Variants in KPNA1 observed in about 807,000 individuals in gnomAD.
KPNA1 encodes importin subunit alpha-5.
In KPNA1, 10 loss-of-function variants were observed where a neutral mutation model predicts 70.5. That is an observed-to-expected ratio of 0.14 (90% CI 0.09 to 0.24). The LOEUF (loss-of-function observed/expected upper bound fraction) is 0.24. Among genes scored for constraint, KPNA1 ranks in the 10% least tolerant of loss-of-function variants. The pLI, the probability that KPNA1 is intolerant of heterozygous loss-of-function variation, is 1.00. For synonymous variants in KPNA1, 192 were observed against 221.9 expected (o/e 0.87, Z 1.20); for missense variants, 397 against 637.9 (o/e 0.62, Z 4.07).
chr3:122,495,880 C>G (rs1278355447), intron 2 of KPNA1, among the ~76,000 whole-genome samples: 5 of 150,344 alleles, frequency 3.3e-5, no homozygotes, highest in Non-Finnish European at 7.4e-5. Flanking sequence ...CAGAATTAAT[C>G]TGGAATAAAA....
At chr3:122,458,061 A>C (rs1253851531) in intron 5 of KPNA1, among the ~76,000 whole-genome samples, 1 of 152,224 alleles carries the variant, frequency 6.6e-6, no homozygotes, top group African/African-American at 2.4e-5. Flanking sequence ...GGGGAAACTA[A>C]GCCAATGTAA....
At chr3:122,454,980 C>T (rs1398784001) in intron 5 of KPNA1, among the ~76,000 whole-genome samples, 1 of 152,136 alleles carries the variant, frequency 6.6e-6, no homozygotes, top group Non-Finnish European at 1.5e-5. Context: ...TTCTTAATTA[C>T]ATTTCAGGTT....
chr3:122,470,406 G>C (rs926392194), intron 2 of KPNA1, among the ~76,000 whole-genome samples: 1 of 152,028 alleles, frequency 6.6e-6, no homozygotes, highest in South Asian at 2.1e-4. Context: ...CAGCTACCCA[G>C]GAAGCTGAGG....
At chr3:122,479,937 G>A (rs2076551688) in intron 2 of KPNA1, among the ~76,000 whole-genome samples, 1 of 152,080 alleles carries the variant, frequency 6.6e-6, no homozygotes, top group Non-Finnish European at 1.5e-5. Flanking sequence ...CAGGTAAATG[G>A]ATAAACTATG....
chr3:122,504,948 A>G lies in KPNA1; in HGVS notation c.-5-8378T>C, dbSNP rs373777470. Among the ~76,000 whole-genome samples, 210 of 152,104 alleles carry G rather than the reference A, an allele frequency of 1.4e-3. 2 individuals are homozygous for G. The highest frequency in any genetic ancestry group is 4.9e-3 in the African/African-American group (204 of 41,492). ...AAACACAAGCCTCAAATGTCCCTCTAAAGAGTCTAATTAATGTGTCTGAAG... is the reference window on the plus strand; with the variant it reads ...AAACACAAGCCTCAAATGTCCCTCTGAAGAGTCTAATTAATGTGTCTGAAG... On this transcript the variant is annotated intron_variant, in intron 1 of 13. Transcript: ENST00000344337.
At chr3:122,489,192 A>T (rs1576335964) in intron 2 of KPNA1, among the ~76,000 whole-genome samples, 1 of 151,886 alleles carries the variant, frequency 6.6e-6, no homozygotes, top group Non-Finnish European at 1.5e-5. Flanking sequence ...TTAATTTGCA[A>T]TCAATCCCAT....
At chr3:122,512,799 T>C (rs1302429409) in intron 1 of KPNA1, among the ~76,000 whole-genome samples, 2 of 152,260 alleles carry the variant, frequency 1.3e-5, no homozygotes, top group East Asian at 1.9e-4. Flanking sequence ...TAGTTTATTC[T>C]AGGTTTTCAT....
chr3:122,500,035 C>T (rs2107502108), intron 1 of KPNA1, among the ~76,000 whole-genome samples: 1 of 152,252 alleles, frequency 6.6e-6, no homozygotes, highest in East Asian at 1.9e-4. Context: ...CTTATTGAGT[C>T]AGTTTTGGTA....
At chr3:122,437,620 C>A (rs757583912) in intron 10 of KPNA1, among the ~76,000 whole-genome samples, 27 of 152,142 alleles carry the variant, frequency 1.8e-4, no homozygotes, top group Non-Finnish European at 1.6e-4. Flanking sequence ...TATCAAGTGG[C>A]CAGAAAAGTC....
chr3:122,476,874 A>AAAAAAAAAAAAAAAAAAAAAAAAT (rs1447950997), intron 2 of KPNA1, among the ~76,000 whole-genome samples: 1 of 150,446 alleles, frequency 6.6e-6, no homozygotes, highest in Non-Finnish European at 1.5e-5. Flanking sequence ...AAAAAAAAAA[A>AAAAAAAAAAAAAAAAAAAAAAAAT]AAAAAAAAAA....
chr3:122,444,653 C>G (rs757378035), intron 9 of KPNA1, among the ~76,000 whole-genome samples: 1 of 152,138 alleles, frequency 6.6e-6, no homozygotes, highest in Non-Finnish European at 1.5e-5. Context: ...CTCATACAGG[C>G]GGGTGCCCCT....
Position 122,452,825 on chromosome 3 carries a change from AAGAG to A in KPNA1, c.565-765_565-762del, listed in dbSNP as rs201085446. On this transcript the variant is annotated intron_variant, in intron 6 of 13. Coordinates refer to ENST00000344337, the MANE Select transcript of KPNA1 (RefSeq NM_002264.4). ...AAAGACGGAAAGATGGAGAGACAGA[AAGAG>A]AGAAAGACAGAAAGAAAAAAAGAGA... 6.9e-3 allele frequency among the ~76,000 whole-genome samples: 1,055 copies of A among 152,012 alleles called. 11 individuals are homozygous for A. Among genetic ancestry groups the A allele is most frequent in the African/African-American group, 0.023 (945 of 41,386 alleles).
intron 2 of KPNA1, among the ~76,000 whole-genome samples, chr3:122,493,250 T>C (rs1340407203): frequency 2.0e-5 from 3 of 151,828 alleles, no homozygotes; most frequent in Non-Finnish European, 2.9e-5. Flanking sequence ...ATCAACATAA[T>C]AATCTACCTT....
intron 2 of KPNA1, among the ~76,000 whole-genome samples, chr3:122,487,488 G>C (rs1008931373): frequency 6.6e-6 from 1 of 152,174 alleles, no homozygotes; most frequent in Non-Finnish European, 1.5e-5. Context: ...TTATTCACAT[G>C]GGCCAGGAGG....
chr3:122,448,656 T>C (rs565606547), intron 9 of KPNA1, among the ~76,000 whole-genome samples: 1 of 152,150 alleles, frequency 6.6e-6, no homozygotes, highest in African/African-American at 2.4e-5. Flanking sequence ...GACGAGTTAA[T>C]TGGTGCAGCA....
At chr3:122,489,608 C>A (rs1000130889) in intron 2 of KPNA1, among the ~76,000 whole-genome samples, 3 of 152,122 alleles carry the variant, frequency 2.0e-5, no homozygotes, top group Admixed American at 2.0e-4. Flanking sequence ...ACTTTTTGAA[C>A]ACATGGAATA....
chr3:122,466,255 A>C (rs2076379018), intron 3 of KPNA1, among the ~76,000 whole-genome samples: 1 of 152,010 alleles, frequency 6.6e-6, no homozygotes, highest in African/African-American at 2.4e-5. Flanking sequence ...CCAAAAAAAA[A>C]GGTGGGGGAG....
In KPNA1 at chr3:122,426,235, GATACAA is replaced by G. The variant is rs2107711648; in HGVS notation, c.*744_*749del. 6.6e-6 allele frequency: 1 copy of G among 152,658 alleles called. No homozygotes were observed. The highest frequency in any genetic ancestry group is 1.9e-4 in the East Asian group (1 of 5,190). 9.5% of individuals were successfully genotyped at this position (152,658 alleles called of 1,614,324 possible). A position where few individuals can be genotyped will look rare whatever the true frequency, so the allele number is the denominator to read the frequency against. ...CAAAAGACCAAAGAGAAGCAAAAGCGATACAAATTAATATGTGCCCCTCTCCTTTCT... is the reference window on the plus strand; with the variant it reads ...CAAAAGACCAAAGAGAAGCAAAAGCGATTAATATGTGCCCCTCTCCTTTCT... On this transcript the variant is annotated 3_prime_UTR_variant, in exon 14 of 14. Transcript: ENST00000344337.
chr3:122,432,471 C>CT (rs1273903799), intron 12 of KPNA1: 1 of 152,190 alleles, frequency 6.6e-6, no homozygotes. Flanking sequence ...AAACAGAACA[C>CT]TCAAAACTAG....
Sources: allele counts gnomAD v4.1 joint callset (sites outside exome capture counted in the v4.1 genomes callset), GRCh38; gene constraint gnomAD v4.1.1; transcripts MANE v1.5; gene names NCBI Gene and HGNC (gene_info 2026-07-23, HGNC 2026-07-21).